Variants in EPHA6 observed in about 807,000 individuals in gnomAD.
EPHA6 encodes EPH receptor A6, also known as ephrin type-A receptor 6.
In EPHA6, 50 loss-of-function variants were observed where a neutral mutation model predicts 112.0. The ratio of observed to expected loss-of-function variants is 0.45; its 90% CI spans 0.36 to 0.56. EPHA6 has a LOEUF of 0.56. Ranked by LOEUF, EPHA6 falls within the 20% of genes least tolerant of loss-of-function variation. The probability of loss-of-function intolerance (pLI) is 0.00; values close to 1 mark genes in which losing one functional copy is unlikely to be tolerated. For synonymous variants in EPHA6, 529 were observed against 490.7 expected (o/e 1.08, Z -1.03); for missense variants, 1,280 against 1,417.4 (o/e 0.90, Z 1.56).
intron 7 of EPHA6, among the ~76,000 whole-genome samples, chr3:97,464,597 G>T (rs9843787): frequency 2.0e-5 from 3 of 151,934 alleles, no homozygotes; most frequent in African/African-American, 7.3e-5. Context: ...TGCCCCCACC[G>T]TTAGATACAC....
At chr3:97,265,823 C>T (rs1425367811) in intron 5 of EPHA6, among the ~76,000 whole-genome samples, 1 of 152,204 alleles carries the variant, frequency 6.6e-6, no homozygotes, top group Non-Finnish European at 1.5e-5. Flanking sequence ...GCAGCAGCGG[C>T]TCCAGATGGC....
At chr3:97,487,194 AG>A (rs2091718429) in intron 10 of EPHA6, among the ~76,000 whole-genome samples, 1 of 152,228 alleles carries the variant, frequency 6.6e-6, no homozygotes, top group Admixed American at 6.5e-5. Flanking sequence ...TTCATTTCTG[AG>A]GAAAAATGTA....
At chr3:97,657,806 G>A (rs2094145843) in intron 14 of EPHA6, among the ~76,000 whole-genome samples, 1 of 151,752 alleles carries the variant, frequency 6.6e-6, no homozygotes, top group South Asian at 2.1e-4. Flanking sequence ...TCTGAGGGAA[G>A]AATAGCAAGA....
chr3:97,738,844 A>G (rs2035382562), intron 16 of EPHA6, among the ~76,000 whole-genome samples: 1 of 152,088 alleles, frequency 6.6e-6, no homozygotes. Context: ...TGCTTTTGCC[A>G]TTAATATACT....
intron 14 of EPHA6, among the ~76,000 whole-genome samples, chr3:97,690,768 T>C (rs2032612026): frequency 6.6e-6 from 1 of 152,160 alleles, no homozygotes; most frequent in Admixed American, 6.6e-5. Context: ...ATGCCCAGCC[T>C]TGCCCATTTT....
chr3:97,687,629 CA>C (rs994606690), intron 14 of EPHA6, among the ~76,000 whole-genome samples: 19 of 152,154 alleles, frequency 1.2e-4, no homozygotes, highest in African/African-American at 4.6e-4. Flanking sequence ...TCTTTTCCAA[CA>C]GATGCTATAT....
At chr3:96,989,183 C>T (rs1017050727) in intron 3 of EPHA6, among the ~76,000 whole-genome samples, 25 of 152,028 alleles carry the variant, frequency 1.6e-4, no homozygotes, top group African/African-American at 6.0e-4. Context: ...CATCTGTATG[C>T]ATATAATGGT....
intron 11 of EPHA6, among the ~76,000 whole-genome samples, chr3:97,534,094 A>C (rs1577688608): frequency 6.6e-6 from 1 of 152,280 alleles, no homozygotes; most frequent in East Asian, 1.9e-4. Flanking sequence ...CTGCCACTTA[A>C]GAATTATGCA....
intron 12 of EPHA6, 63 bp from the exon 13 acceptor site, chr3:97,610,730 T>C (rs1181617857): frequency 7.5e-7 from 1 of 1,331,084 alleles, no homozygotes; most frequent in Non-Finnish European, 1.1e-6. Context: ...TGGGTATCTC[T>C]TAACTGCAGC....
intron 1 of EPHA6, among the ~76,000 whole-genome samples, chr3:96,819,258 C>A (rs1330118486): frequency 6.6e-6 from 1 of 152,004 alleles, no homozygotes; most frequent in Non-Finnish European, 1.5e-5. Flanking sequence ...GATTAAATTA[C>A]ATCCTTTTAC....
intron 3 of EPHA6, among the ~76,000 whole-genome samples, chr3:97,121,414 T>C (rs1468268127): frequency 6.6e-6 from 1 of 152,080 alleles, no homozygotes; most frequent in Non-Finnish European, 1.5e-5. Context: ...GTGGAAGTTT[T>C]ATTTTCAAAA....
chr3:97,173,362 A>AC (rs1257754010), intron 3 of EPHA6, among the ~76,000 whole-genome samples: 1 of 151,906 alleles, frequency 6.6e-6, no homozygotes, highest in Non-Finnish European at 1.5e-5. Context: ...CCAATGCCAG[A>AC]CCAATGTGGA....
At chr3:97,541,202 A>G (rs1048726476) in intron 11 of EPHA6, among the ~76,000 whole-genome samples, 1 of 152,126 alleles carries the variant, frequency 6.6e-6, no homozygotes, top group African/African-American at 2.4e-5. Context: ...TTTTAATGCT[A>G]GTTTTCTTGT....
At chr3:97,137,244 T>C (rs1197901773) in intron 3 of EPHA6, among the ~76,000 whole-genome samples, 1 of 152,214 alleles carries the variant, frequency 6.6e-6, no homozygotes, top group Non-Finnish European at 1.5e-5. Flanking sequence ...GGTATGTGTT[T>C]ACAGAGTTCC....
At position 97,221,478 on chromosome 3, in the gene EPHA6, C is replaced by T. The variant is rs563629107; in HGVS notation, c.1115-4786C>T. ...GTTGGACAACATTCTTATCTCCACT[C>T]GCTTGTTTCTTGAAAGCAAGAAGTT... On this transcript the variant is annotated intron_variant, in intron 3 of 17. Transcript: ENST00000389672. Among the ~76,000 whole-genome samples the T allele has an allele frequency of 3.3e-5, 5 of 152,092 alleles. No individual in the cohort carries two copies. The South Asian group carries it at 6.2e-4, about 19-fold the overall frequency.
chr3:97,210,540 A>G (rs573295309), intron 3 of EPHA6, among the ~76,000 whole-genome samples: 5 of 152,264 alleles, frequency 3.3e-5, no homozygotes, highest in African/African-American at 1.2e-4. Context: ...CTCACCAATT[A>G]TTCTTTAAAA....
chr3:97,084,830 G>A (rs573287339), intron 3 of EPHA6, among the ~76,000 whole-genome samples: 1 of 152,074 alleles, frequency 6.6e-6, no homozygotes, highest in East Asian at 1.9e-4. Context: ...ACTACCCAAA[G>A]GCTACAATAA....
At chr3:97,736,673 C>T (rs1214355539) in intron 16 of EPHA6, among the ~76,000 whole-genome samples, 1 of 151,290 alleles carries the variant, frequency 6.6e-6, no homozygotes, top group Non-Finnish European at 1.5e-5. Context: ...CAGAAAAGAA[C>T]AGATAACAAG....
intron 2 of EPHA6, among the ~76,000 whole-genome samples, chr3:96,915,897 G>C (rs9289243): frequency 0.018 from 2,801 of 152,184 alleles, 73 homozygotes; most frequent in African/African-American, 0.051. Context: ...CTGGGAAATA[G>C]GAATAACCAT....
Sources: allele counts gnomAD v4.1 joint callset (sites outside exome capture counted in the v4.1 genomes callset), GRCh38; gene constraint gnomAD v4.1.1; transcripts MANE v1.5; gene names NCBI Gene and HGNC (gene_info 2026-07-23, HGNC 2026-07-21).